CLYBL: variants seen among roughly 807,000 people sequenced by gnomAD.
The protein encoded by CLYBL is citramalyl-CoA lyase, mitochondrial.
Under a neutral mutation model 38.9 loss-of-function variants are expected in CLYBL, and 31 were observed. The ratio of observed to expected loss-of-function variants is 0.80; its 90% CI spans 0.60 to 1.08. CLYBL has a LOEUF of 1.08. Ranked by LOEUF, CLYBL falls within the 50% of genes least tolerant of loss-of-function variation. CLYBL has a pLI of 0.00. For missense variants in CLYBL, 434 were observed against 411.6 expected, an observed-to-expected ratio of 1.05 and a Z score of -0.47; for synonymous variants, 171 against 158.6, an observed-to-expected ratio of 1.08 and a Z score of -0.59.
At chr13:99,695,301 C>A (rs569663755) in intron 1 of CLYBL, among the ~76,000 whole-genome samples, 2 of 152,076 alleles carry the variant, frequency 1.3e-5, no homozygotes, top group African/African-American at 4.8e-5. Context: ...ACCCCTATAA[C>A]AAAAGACAGG....
intron 1 of CLYBL, among the ~76,000 whole-genome samples, chr13:99,683,177 G>A (rs774410115): frequency 1.3e-5 from 2 of 152,010 alleles, no homozygotes; most frequent in Non-Finnish European, 2.9e-5. Context: ...TGCCTCCCAC[G>A]TTCAAGCAAT....
chr13:99,826,367 C>G (rs192498477), intron 2 of CLYBL, among the ~76,000 whole-genome samples: 35 of 152,244 alleles, frequency 2.3e-4, no homozygotes, highest in African/African-American at 6.7e-4. Flanking sequence ...CCAGCTTGTC[C>G]TGCAGATTTC....
intron 2 of CLYBL, among the ~76,000 whole-genome samples, chr13:99,832,995 CATACATACATACATATAT>C (rs1314784442): frequency 4.3e-5 from 2 of 46,094 alleles, no homozygotes; most frequent in African/African-American, 6.8e-5. Context: ...GTAGTATATA[CATACATACATACATATAT>C]ATATATATAT....
Position 99,846,142 on chromosome 13 carries a change from C to T in CLYBL, c.250-12719C>T, listed in dbSNP as rs548204134. On this transcript the variant is annotated intron_variant, in intron 2 of 8. Transcript: ENST00000339105. ...CAGCCTGGGCCAGCAGAGCAAGACC[C>T]TGTCTCTACAAAATACATAAGTAAA... Among the ~76,000 whole-genome samples the T allele has an allele frequency of 1.3e-3, 193 of 152,156 alleles. 1 individual carries two copies. The highest frequency in any genetic ancestry group is 2.2e-3 in the Non-Finnish European group (153 of 68,022).
intron 2 of CLYBL, among the ~76,000 whole-genome samples, chr13:99,825,064 A>G (rs145130307): frequency 6.6e-5 from 10 of 152,322 alleles, no homozygotes; most frequent in African/African-American, 2.4e-4. Flanking sequence ...GCCACCTTCA[A>G]CAAAGATGTC....
At chr13:99,606,893 C>T (rs1350336055) in intron 1 of CLYBL, 136 bp downstream of exon 1, 1 of 1,260,722 alleles carries the variant, frequency 7.9e-7, no homozygotes, top group African/African-American at 1.6e-5. Flanking sequence ...CATGCGCCTC[C>T]CACGCGCTGG....
intron 7 of CLYBL, chr13:99,885,116 C>T (rs1386803564): frequency 1.9e-6 from 1 of 528,652 alleles, no homozygotes; most frequent in Non-Finnish European, 3.9e-6. Context: ...GTACGTGAGG[C>T]CTGGCGCCTC....
intron 1 of CLYBL, among the ~76,000 whole-genome samples, chr13:99,751,356 G>T (rs940786484): frequency 2.0e-4 from 30 of 152,064 alleles, no homozygotes; most frequent in African/African-American, 7.2e-4. Flanking sequence ...AAAAAGCTGG[G>T]ATTACAGGTG....
chr13:99,805,496 G>A (rs1180291888), intron 2 of CLYBL, among the ~76,000 whole-genome samples: 1 of 152,030 alleles, frequency 6.6e-6, no homozygotes, highest in Non-Finnish European at 1.5e-5. Flanking sequence ...CGGTGAGAAA[G>A]GGAGCGGTAC....
intron 8 of CLYBL, among the ~76,000 whole-genome samples, chr13:99,904,484 C>T (rs145290025): frequency 3.2e-4 from 49 of 152,268 alleles, no homozygotes; most frequent in African/African-American, 1.1e-3. Flanking sequence ...GACCTAATTT[C>T]TAATTTTATA....
intron 1 of CLYBL, among the ~76,000 whole-genome samples, chr13:99,628,101 A>C (rs917825456): frequency 7.9e-5 from 12 of 152,216 alleles, no homozygotes; most frequent in African/African-American, 2.9e-4. Flanking sequence ...TCACTTCTCC[A>C]AGTACAATAA....
intron 1 of CLYBL, among the ~76,000 whole-genome samples, chr13:99,608,408 C>G (rs1452013751): frequency 6.6e-6 from 1 of 152,186 alleles, no homozygotes; most frequent in African/African-American, 2.4e-5. Context: ...TGCACTGTGA[C>G]TCTTCAGTCA....
At chr13:99,856,669 C>G (rs758682369) in intron 2 of CLYBL, among the ~76,000 whole-genome samples, 21 of 152,092 alleles carry the variant, frequency 1.4e-4, no homozygotes, top group Non-Finnish European at 2.6e-4. Flanking sequence ...GATGGAGTCT[C>G]GCTCTGTGTC....
At chr13:99,905,365 C>T (rs2052685688) in exon 9 of CLYBL, among the ~76,000 whole-genome samples, 1 of 152,160 alleles carries the variant, frequency 6.6e-6, no homozygotes, top group Non-Finnish European at 1.5e-5. Flanking sequence ...ATTGATCTGC[C>T]CTCCAGCACA....
At chr13:99,680,764 C>T (rs905355767) in intron 1 of CLYBL, among the ~76,000 whole-genome samples, 3 of 152,148 alleles carry the variant, frequency 2.0e-5, no homozygotes, top group Non-Finnish European at 2.9e-5. Flanking sequence ...GTAGCAGAGA[C>T]GTGGATGGCT....
intron 2 of CLYBL, among the ~76,000 whole-genome samples, chr13:99,826,003 A>T (rs576219830): frequency 1.3e-5 from 2 of 152,308 alleles, no homozygotes; most frequent in South Asian, 4.1e-4. Flanking sequence ...GCAGTGGCTT[A>T]TGGGATCTTT....
At chr13:99,710,881 CTTTTTT>C (rs748011707) in intron 1 of CLYBL, among the ~76,000 whole-genome samples, 2 of 83,892 alleles carry the variant, frequency 2.4e-5, no homozygotes, top group African/African-American at 1.2e-4. Context: ...TTTCTAACCC[CTTTTTT>C]TTTTTTTTTT....
At chr13:99,833,016 ATATATATATATATATTTTTTTTTTT>A (rs2050844582) in intron 2 of CLYBL, among the ~76,000 whole-genome samples, 1 of 32,782 alleles carries the variant, frequency 3.1e-5, no homozygotes, top group South Asian at 9.0e-4. Context: ...ACATATATAT[ATATATATATATATATTTTTTTTTTT>A]TTTTTTTTTT....
chr13:99,686,288 G>A (rs924332823), intron 1 of CLYBL, among the ~76,000 whole-genome samples: 1 of 152,176 alleles, frequency 6.6e-6, no homozygotes, highest in Admixed American at 6.5e-5. Flanking sequence ...AGACTGACAT[G>A]GGCCTGACTC....
Sources: gnomAD v4.1 joint callset for allele counts (sites outside exome capture counted in the v4.1 genomes callset) on GRCh38, gnomAD v4.1.1 for gene constraint, MANE v1.5 for transcripts, NCBI Gene and HGNC (gene_info 2026-07-23, HGNC 2026-07-21) for gene names.